The following UVRAG variants were observed in gnomAD, a reference collection of about 807,000 sequenced individuals.
The protein encoded by UVRAG is UV radiation resistance associated.
In UVRAG, 19 loss-of-function variants were observed where a neutral mutation model predicts 78.0. That is an observed-to-expected ratio of 0.24 (90% confidence interval 0.17 to 0.36). The LOEUF (loss-of-function observed/expected upper bound fraction) is 0.36, where lower values mean the gene tolerates loss of function less well. Among genes scored for constraint, UVRAG ranks in the 10% least tolerant of loss-of-function variants. The pLI is 1.00. For missense variants in UVRAG, 740 were observed against 853.8 expected (o/e 0.87, Z 1.66); for synonymous variants, 323 against 324.6 (o/e 1.00, Z 0.05).
chr11:76,075,708 C>G (rs1427023545), intron 13 of UVRAG, among the ~76,000 whole-genome samples: 1 of 152,146 alleles, frequency 6.6e-6, no homozygotes, highest in Non-Finnish European at 1.5e-5. Flanking sequence ...TTCATTGCCC[C>G]CAAAAGAAAC....
chr11:75,931,310 G>A (rs1280533029), intron 6 of UVRAG, among the ~76,000 whole-genome samples: 2 of 151,916 alleles, frequency 1.3e-5, no homozygotes. Flanking sequence ...GGAGATTTTA[G>A]TCTAGTGTGT....
intron 13 of UVRAG, among the ~76,000 whole-genome samples, chr11:76,115,676 G>C (rs1005305532): frequency 1.8e-4 from 27 of 152,164 alleles, no homozygotes; most frequent in African/African-American, 6.5e-4. Context: ...TAGGGGGCAA[G>C]AGAACAGTAA....
intron 8 of UVRAG, among the ~76,000 whole-genome samples, chr11:75,988,076 A>G (rs1372355588): frequency 6.6e-6 from 1 of 152,178 alleles, no homozygotes; most frequent in Non-Finnish European, 1.5e-5. Flanking sequence ...AGAGCTCAAT[A>G]TGTGAATTTT....
intron 6 of UVRAG, among the ~76,000 whole-genome samples, chr11:75,938,910 A>AAC (rs1948431166): frequency 2.0e-5 from 3 of 151,776 alleles, no homozygotes; most frequent in African/African-American, 7.3e-5. Context: ...TTTCTTCTAC[A>AAC]CTCAGGTAGA....
chr11:76,077,149 TATATA>T (rs1216695639), intron 13 of UVRAG, among the ~76,000 whole-genome samples: 1 of 148,580 alleles, frequency 6.7e-6, no homozygotes, highest in Non-Finnish European at 1.5e-5. Context: ...ATATATAAAA[TATATA>T]ATATATGTAA....
chr11:76,005,394 A>G (rs1326300289), intron 9 of UVRAG, among the ~76,000 whole-genome samples: 1 of 152,104 alleles, frequency 6.6e-6, no homozygotes, highest in Non-Finnish European at 1.5e-5. Flanking sequence ...TATCTATTCC[A>G]ATTCTCTCAA....
chr11:75,840,027 A>C (rs942116167), intron 1 of UVRAG, among the ~76,000 whole-genome samples: 1 of 152,062 alleles, frequency 6.6e-6, no homozygotes, highest in African/African-American at 2.4e-5. Context: ...AGCAAATCAC[A>C]GGCATGCTAT....
intron 1 of UVRAG, among the ~76,000 whole-genome samples, chr11:75,837,326 CA>C (rs753820781): frequency 0.06 from 3,837 of 64,472 alleles, 103 homozygotes; most frequent in African/African-American, 0.17. Context: ...GACTCTGTCT[CA>C]AAAAAAAAAA....
intron 13 of UVRAG, among the ~76,000 whole-genome samples, chr11:76,107,159 G>T (rs1334890525): frequency 6.6e-6 from 1 of 152,190 alleles, no homozygotes; most frequent in Non-Finnish European, 1.5e-5. Flanking sequence ...AGATTCCAAA[G>T]CAAAGGACCA....
chr11:76,007,602 A>G lies in UVRAG; in HGVS notation c.980A>G (p.Tyr327Cys), dbSNP rs1565117089. 2.5e-6 allele frequency: 4 copies of G among 1,613,750 alleles called. No individual in the cohort carries two copies. The highest frequency in any genetic ancestry group is 1.7e-4 in the Middle Eastern group (1 of 6,052). Residue 327 changes from tyrosine to cysteine, a missense_variant, in exon 10 of 15, where the codon TAC becomes TGC. Transcript: ENST00000356136. Reference sequence around the variant, plus strand: ...AGGCAGTTACTCTCTGAGCTTTCCTACATTTACCCTATTGATTTGGTAAGT... The same window carrying G: ...AGGCAGTTACTCTCTGAGCTTTCCTGCATTTACCCTATTGATTTGGTAAGT... Reference protein sequence around the residue: ...RCRQLLSELSYIYPIDLNEHK... With the variant: ...RCRQLLSELSCIYPIDLNEHK...
intron 13 of UVRAG, among the ~76,000 whole-genome samples, chr11:76,100,938 C>A (rs1277673521): frequency 6.6e-6 from 1 of 152,060 alleles, no homozygotes; most frequent in Non-Finnish European, 1.5e-5. Flanking sequence ...AGAACATGAT[C>A]TCATTATTTT....
chr11:75,829,668 A>G (rs1465936427), intron 1 of UVRAG, among the ~76,000 whole-genome samples: 1 of 152,220 alleles, frequency 6.6e-6, no homozygotes, highest in African/African-American at 2.4e-5. Flanking sequence ...GATAGTGAAC[A>G]TGTTTCTGTC....
At chr11:75,886,165 A>G (rs1428400731) in intron 4 of UVRAG, among the ~76,000 whole-genome samples, 4 of 152,170 alleles carry the variant, frequency 2.6e-5, no homozygotes, top group African/African-American at 7.2e-5. Flanking sequence ...TTAACCCCGT[A>G]TCTTTTCAAG....
intron 6 of UVRAG, among the ~76,000 whole-genome samples, chr11:75,934,741 A>G (rs918145203): frequency 2.0e-5 from 3 of 152,194 alleles, no homozygotes; most frequent in Non-Finnish European, 2.9e-5. Flanking sequence ...AATGTTCTAC[A>G]TTTTATGCCT....
chr11:76,033,715 C>G (rs143877349), intron 12 of UVRAG, among the ~76,000 whole-genome samples: 1 of 151,758 alleles, frequency 6.6e-6, no homozygotes, highest in African/African-American at 2.4e-5. Context: ...AAGAACAAAC[C>G]CTAGATGTTT....
intron 13 of UVRAG, among the ~76,000 whole-genome samples, chr11:76,082,302 A>C (rs1951509789): frequency 6.6e-6 from 1 of 152,190 alleles, no homozygotes; most frequent in Admixed American, 6.5e-5. Context: ...GCACTTTGGG[A>C]GGCCGAGGCG....
At chr11:75,922,985 T>C (rs1242251281) in intron 6 of UVRAG, among the ~76,000 whole-genome samples, 1 of 144,944 alleles carries the variant, frequency 6.9e-6, no homozygotes, top group East Asian at 2.0e-4. Context: ...GAAAAAAATA[T>C]ATATACATAT....
chr11:76,081,584 C>T (rs901982153), intron 13 of UVRAG, among the ~76,000 whole-genome samples: 2 of 151,960 alleles, frequency 1.3e-5, no homozygotes, highest in African/African-American at 4.8e-5. Context: ...CTTTTCATTT[C>T]CTTCTAACAG....
chr11:76,095,892 A>G (rs1019779488), intron 13 of UVRAG, among the ~76,000 whole-genome samples: 1 of 150,944 alleles, frequency 6.6e-6, no homozygotes, highest in East Asian at 1.9e-4. Flanking sequence ...AAAAAAAAAA[A>G]GCCCTTAGAG....
Sources: gnomAD v4.1 joint callset for allele counts (sites outside exome capture counted in the v4.1 genomes callset) on GRCh38, gnomAD v4.1.1 for gene constraint, MANE v1.5 for transcripts, NCBI Gene and HGNC (gene_info 2026-07-23, HGNC 2026-07-21) for gene names.